The following NFATC4 variants were observed in gnomAD, a reference collection of about 807,000 sequenced individuals.
The protein encoded by NFATC4 is nuclear factor of activated T cells 4.
A neutral mutation model predicts 73.4 loss-of-function variants in NFATC4; 25 were observed. That is an observed-to-expected ratio of 0.34 (90% confidence interval 0.25 to 0.48). The LOEUF (loss-of-function observed/expected upper bound fraction) is 0.48, where lower values mean the gene tolerates loss of function less well. Among genes scored for constraint, NFATC4 ranks in the 20% least tolerant of loss-of-function variants. The pLI is 0.99. For missense variants in NFATC4, 1,130 were observed against 1,203.7 expected, an observed-to-expected ratio of 0.94 and a Z score of 0.91; for synonymous variants, 523 against 510.3, an observed-to-expected ratio of 1.02 and a Z score of -0.34.
In NFATC4 at chr14:24,374,486, G is replaced by A. The variant is rs1217146099; in HGVS notation, c.1873+20G>A. 8.1e-6 allele frequency: 13 copies of A among 1,596,406 alleles called. No individual in the cohort carries two copies. Among genetic ancestry groups the A allele is most frequent in the Non-Finnish European group, 9.4e-6 (11 of 1,168,306 alleles). ...GTCCTGGTGAGTACCTGCTGGGGAGGGGAGGGCAGGCAGGGAGAGCTTGGG... is the reference window on the plus strand; with the variant it reads ...GTCCTGGTGAGTACCTGCTGGGGAGAGGAGGGCAGGCAGGGAGAGCTTGGG... On this transcript the variant is annotated intron_variant, in intron 6 of 9. Transcript: ENST00000250373.
At position 24,376,182 on chromosome 14, in the gene NFATC4, T is replaced by TGA. The variant is rs1484158624; in HGVS notation, c.2056+83_2056+84dup. ...GAGCAGAGGGAAGCAGTACTCATCATGAGGGGCCAAGGGGTGAATGGAACC... is the reference window on the plus strand; with the variant it reads ...GAGCAGAGGGAAGCAGTACTCATCATGAGAGGGGCCAAGGGGTGAATGGAACC... On this transcript the variant is annotated intron_variant, in intron 8 of 9. Transcript: ENST00000250373. This position sits in a 1 kb window ranked among gnomAD's most constrained non-coding sequence, Gnocchi z 5.0. The TGA allele has an allele frequency of 1.9e-6, 3 of 1,600,942 alleles. No individual in the cohort carries two copies. The highest frequency in any genetic ancestry group is 2.6e-6 in the Non-Finnish European group (3 of 1,172,366).
At position 24,376,312 on chromosome 14, in the gene NFATC4, C is replaced by G; in HGVS notation, c.2075C>G (p.Pro692Arg). ...TTCCCAGTGATCTGCAAAGAGGAGC[C>G]CCTACCGGACTCATCTCTGCGGGGT... ...RFLPVICKEE[P>R]LPDSSLRGFP... The change falls in exon 9 of 10, where the codon CCC becomes CGC. Residue 692 changes from proline to arginine, a missense_variant. Physicochemically the swap from Pro to Arg is moderately radical, Grantham distance 103. Coordinates refer to ENST00000250373, the MANE Select transcript of NFATC4 (RefSeq NM_004554.5). The surrounding 1 kb of genome is among the most constrained non-coding windows in gnomAD (Gnocchi z 5.0). The G allele has an allele frequency of 6.3e-7, 1 of 1,577,174 alleles. No individual in the cohort carries two copies. The highest frequency in any genetic ancestry group is 8.6e-7 in the Non-Finnish European group (1 of 1,162,432).
At chr14:24,375,543 C>T in intron 6 of NFATC4, 117 bp from the exon 7 acceptor site, 1 of 1,015,468 alleles carries the variant, frequency 9.8e-7, no homozygotes, top group Non-Finnish European at 1.5e-6. Flanking sequence ...GTGTGTCAGA[C>T]CTTCTAGGGC....
chr14:24,368,351 C>A lies in NFATC4; in HGVS notation c.11C>A (p.Ala4Asp). Residue 4 changes from alanine to aspartate, a missense_variant, in exon 1 of 10, where the codon GCC becomes GAC. This residue lies in a region of NFATC4 where 585 missense variants were observed against 574.3 expected (regional missense o/e 1.02). Transcript: ENST00000250373. Reference sequence around the variant, plus strand: ...GCTCCTGCCGGATCCATGGGGGCGGCCAGCTGCGAGGATGAGGAGCTGGAA... The same window carrying A: ...GCTCCTGCCGGATCCATGGGGGCGGACAGCTGCGAGGATGAGGAGCTGGAA... MGA[A>D]SCEDEELEFK... is the part of the protein sequence containing the mutation. 1 of 1,382,636 alleles carries A rather than the reference C, an allele frequency of 7.2e-7. No homozygotes were observed. Among genetic ancestry groups the A allele is most frequent in the South Asian group, 1.8e-5 (1 of 55,264 alleles). 85.6% of individuals were successfully genotyped at this position (1,382,636 alleles called of 1,614,324 possible). A position where few individuals can be genotyped will look rare whatever the true frequency, so the allele number is the denominator to read the frequency against.
Position 24,376,975 on chromosome 14 carries a change from A to G in NFATC4, c.2641+97A>G. 3 of 1,421,044 alleles carry G rather than the reference A, an allele frequency of 2.1e-6. No individual in the cohort carries two copies. The highest frequency in any genetic ancestry group is 2.8e-6 in the Non-Finnish European group (3 of 1,090,902). 88.0% of individuals were successfully genotyped at this position (1,421,044 alleles called of 1,614,324 possible). A position where few individuals can be genotyped will look rare whatever the true frequency, so the allele number is the denominator to read the frequency against. On this transcript the variant is annotated intron_variant, in intron 9 of 9. Transcript: ENST00000250373. This position sits in a 1 kb window ranked among gnomAD's most constrained non-coding sequence, Gnocchi z 5.0. ...GAGCTGGGCTTTTCAGAGATCGGGC[A>G]TCCCTGGTCTCTCAGGGCCAGTTGG...
Position 24,373,756 on chromosome 14 carries a change from A to G in NFATC4, c.1621A>G (p.Thr541Ala). 1.2e-6 allele frequency: 2 copies of G among 1,614,092 alleles called. No homozygotes were observed. Among genetic ancestry groups the G allele is most frequent in the East Asian group, 2.2e-5 (1 of 44,880 alleles). ...AGACATTGAGCTTCGGAAGGGTGAG[A>G]CGGACATCGGGCGCAAAAACACACG... ...NSDIELRKGETDIGRKNTRVR... is the reference protein window; with the variant it reads ...NSDIELRKGEADIGRKNTRVR... Residue 541 changes from threonine (T) to alanine (A), a missense_variant, in exon 5 of 10, where the codon ACG becomes GCG. Around this residue, in one of 3 missense-constraint regions of NFATC4, gnomAD observed 155 missense variants for 221.2 expected, o/e 0.70. Coordinates refer to ENST00000250373, the MANE Select transcript of NFATC4 (RefSeq NM_004554.5). This position sits in a 1 kb window ranked among gnomAD's most constrained non-coding sequence, Gnocchi z 4.7.
Position 24,374,402 on chromosome 14 carries a change from A to G in NFATC4, c.1809A>G (p.Glu603=), listed in dbSNP as rs201467123. 6 of 1,613,934 alleles carry G rather than the reference A, an allele frequency of 3.7e-6. No individual in the cohort carries two copies. The East Asian group carries it at 1.3e-4, about 36-fold the overall frequency. ...CCTGCTCTGTGAGAGGAGGCGAGGA[A>G]CTGGTACTGACTGGCTCCAACTTCC... ...PSACSVRGGE[E]LVLTGSNFLP... is the part of the protein sequence containing the mutation. Residue 603 remains glutamate, a synonymous_variant, in exon 6 of 10, where the codon GAA becomes GAG. Coordinates refer to ENST00000250373, the MANE Select transcript of NFATC4 (RefSeq NM_004554.5).
chr14:24,367,783 C>T (rs1182656358), upstream of NFATC4: 14 of 1,351,440 alleles, frequency 1.0e-5, no homozygotes, highest in Middle Eastern at 2.7e-4. Flanking sequence ...TAGGTGCTAT[C>T]TACACAGTCT....
rs1380293604 is a variant in NFATC4, at chr14:24,370,603, T to A, written c.1196+9T>A. ...CACAGCCCTATCTTCAGGTGAGGGT[T>A]GCGCCTGGCACTACCGCTCTCTCTA... is the stretch of plus-strand genomic sequence containing the variant. On this transcript the variant is annotated intron_variant, in intron 2 of 9. Coordinates refer to ENST00000250373, the MANE Select transcript of NFATC4 (RefSeq NM_004554.5). 5 of 1,598,260 alleles carry A rather than the reference T, an allele frequency of 3.1e-6. No individual in the cohort carries two copies. The highest frequency in any genetic ancestry group is 4.3e-6 in the Non-Finnish European group (5 of 1,168,236).
intron 1 of NFATC4, chr14:24,369,163 C>T (rs144688887): frequency 6.8e-7 from 1 of 1,475,088 alleles, no homozygotes; most frequent in East Asian, 2.5e-5. Context: ...ATGTGTGAGT[C>T]GCCCCCAGTC....
intron 7 of NFATC4, 44 bp downstream of exon 7, chr14:24,375,759 G>GCCCCC: frequency 2.4e-5 from 15 of 616,976 alleles, no homozygotes; most frequent in Non-Finnish European, 3.8e-5. Flanking sequence ...GGGGGTGGGA[G>GCCCCC]AAGGCAGGGG....
rs772640851 is a variant in NFATC4, at chr14:24,376,850, C to T, written c.2613C>T (p.Val871=). The T allele has an allele frequency of 6.3e-7, 1 of 1,590,410 alleles. No individual in the cohort carries two copies. Among genetic ancestry groups the T allele is most frequent in the Non-Finnish European group, 8.6e-7 (1 of 1,168,932 alleles). The change falls in exon 9 of 10, where the codon GTC becomes GTT. Residue 871 remains valine, a synonymous_variant. Coordinates refer to ENST00000250373, the MANE Select transcript of NFATC4 (RefSeq NM_004554.5). This position sits in a 1 kb window ranked among gnomAD's most constrained non-coding sequence, Gnocchi z 5.0. ...ACAGCAGCGGCTTCCGAGACAGTGT[C>T]CCTATCCAGGGTATCACGCTGGAGG... is the stretch of plus-strand genomic sequence containing the variant. ...GGYSSGFRDS[V]PIQGITLEEV...
At position 24,372,528 on chromosome 14, in the gene NFATC4, C is replaced by G. The variant is rs1276144310; in HGVS notation, c.1284C>G (p.His428Gln). 8 of 1,614,012 alleles carry G rather than the reference C, an allele frequency of 5.0e-6. No individual in the cohort carries two copies. The highest frequency in any genetic ancestry group is 6.8e-6 in the Non-Finnish European group (8 of 1,180,056). The change falls in exon 3 of 10, where the codon CAC becomes CAG. Residue 428 changes from histidine to glutamine, a missense_variant. By Grantham distance (24) the His-to-Gln change is conservative. This residue lies in a region of NFATC4 where 585 missense variants were observed against 574.3 expected (regional missense o/e 1.02). Transcript: ENST00000250373. ...GGATCGAGGTACAGCCTAGAGCCCACCACCGGGCCCACTATGAGACAGAAG... is the reference window on the plus strand; with the variant it reads ...GGATCGAGGTACAGCCTAGAGCCCAGCACCGGGCCCACTATGAGACAGAAG... Reference protein sequence around the residue: ...ELRIEVQPRAHHRAHYETEGS... With the variant: ...ELRIEVQPRAQHRAHYETEGS...
At position 24,368,397 on chromosome 14, in the gene NFATC4, G is replaced by C; in HGVS notation, c.57G>C (p.Glu19Asp). 1.5e-6 allele frequency: 2 copies of C among 1,356,844 alleles called. No homozygotes were observed. The highest frequency in any genetic ancestry group is 1.9e-6 in the Non-Finnish European group (2 of 1,053,048). The allele number at this position is 1,356,844 out of a possible 1,614,324, so 84.1% of individuals were successfully genotyped here. Reference protein sequence around the residue: ...EELEFKLVFGEEKEAPPLGAG... With the variant: ...EELEFKLVFGDEKEAPPLGAG... ...TGGAATTTAAGCTGGTGTTCGGGGA[G>C]GAAAAGGAGGCCCCCCCGCTGGGCG... Residue 19 changes from glutamate to aspartate, a missense_variant, in exon 1 of 10, where the codon GAG (glutamate) becomes GAC (aspartate). Physicochemically the swap from Glu to Asp is conservative, Grantham distance 45. Transcript: ENST00000250373.
At position 24,370,504 on chromosome 14, in the gene NFATC4, G is replaced by C. The variant is rs753054199; in HGVS notation, c.1106G>C (p.Arg369Pro). The change falls in exon 2 of 10, where the codon CGG (arginine) becomes CCG (proline). Residue 369 changes from arginine to proline, a missense_variant. Arg to Pro is a moderately radical substitution (Grantham distance 103). Around this residue, in one of 3 missense-constraint regions of NFATC4, gnomAD observed 585 missense variants for 574.3 expected, o/e 1.02. Transcript: ENST00000250373. ...TCTGTGGCTCCTCCAGGAGGTTCCC[G>C]GAAGGAGGTGGCTGGCATGGACTAC... ...EESVAPPGGS[R>P]KEVAGMDYLA... is the part of the protein sequence containing the mutation. 1.2e-6 allele frequency: 2 copies of C among 1,614,136 alleles called. No homozygotes were observed. The highest frequency in any genetic ancestry group is 1.1e-5 in the South Asian group (1 of 91,082).
At chr14:24,375,767 G>A (rs1261232797) in intron 7 of NFATC4, 52 bp downstream of exon 7, 5 of 1,475,468 alleles carry the variant, frequency 3.4e-6, no homozygotes, top group Non-Finnish European at 3.7e-6. Flanking sequence ...GAGAAGGCAG[G>A]GGATTCTCAG....
rs1179811238 is a variant in NFATC4 at position 24,369,479 on chromosome 14, T to A, written c.101-20T>A. The A allele has an allele frequency of 6.2e-7, 1 of 1,612,782 alleles. No homozygotes were observed. Among genetic ancestry groups the A allele is most frequent in the Non-Finnish European group, 8.5e-7 (1 of 1,179,528 alleles). On this transcript the variant is annotated intron_variant, in intron 1 of 9. Coordinates refer to ENST00000250373, the MANE Select transcript of NFATC4 (RefSeq NM_004554.5). The stretch of plus-strand genomic sequence containing the variant: ...TCTCTCTTTCCCCCTCTCCCTCTGC[T>A]CCTCTTCCCATTTTGACAGAACTGG...
At chr14:24,374,249 C>T in intron 5 of NFATC4, 77 bp from the exon 6 acceptor site, 1 of 1,527,642 alleles carries the variant, frequency 6.5e-7, no homozygotes, top group South Asian at 1.3e-5. Flanking sequence ...GGCAGTTTTC[C>T]CAAAGAGGGT....
chr14:24,377,740 C>T lies in NFATC4; in HGVS notation c.*35C>T, dbSNP rs763813095. On this transcript the variant is annotated 3_prime_UTR_variant, in exon 10 of 10. Transcript: ENST00000250373. The surrounding 1 kb of genome is among the most constrained non-coding windows in gnomAD (Gnocchi z 4.2). The stretch of plus-strand genomic sequence containing the variant: ...ACTGTCATCACCTGGCAACCCCAGC[C>T]CCAGCCTCAGCCCTGCCCCCTTTCC... 2 of 1,614,056 alleles carry T rather than the reference C, an allele frequency of 1.2e-6. No homozygotes were observed. Among genetic ancestry groups the T allele is most frequent in the African/African-American group, 2.7e-5 (2 of 74,944 alleles).
Sources: allele counts gnomAD v4.1 joint callset, GRCh38; gene constraint gnomAD v4.1.1; regional missense constraint gnomAD v4.1.1; non-coding constraint Gnocchi (gnomAD v3.1); transcripts MANE v1.5; gene names NCBI Gene and HGNC (gene_info 2026-07-23, HGNC 2026-07-21).